The following DTD1 variants were observed in gnomAD, a reference collection of about 807,000 sequenced individuals.
DTD1 encodes D-aminoacyl-tRNA deacylase 1.
A neutral mutation model predicts 25.6 loss-of-function variants in DTD1; 13 were observed. That is an observed-to-expected ratio of 0.51 (90% CI 0.33 to 0.81). DTD1 has a LOEUF of 0.81. DTD1 is among the 30% of genes least tolerant of loss of function. The pLI is 0.02. For missense variants in DTD1, 193 were observed against 266.4 expected (o/e 0.72, Z 1.92); for synonymous variants, 110 against 103.6 (o/e 1.06, Z -0.37).
intron 1 of DTD1, chr20:18,588,815 TC>T (rs774594965): frequency 3.0e-6 from 3 of 985,390 alleles, no homozygotes; most frequent in Non-Finnish European, 3.6e-6. Context: ...CTCAGCACTT[TC>T]GTCTCGGTTG....
chr20:18,710,871 G>T (rs1002556048), intron 4 of DTD1, among the ~76,000 whole-genome samples: 1 of 152,126 alleles, frequency 6.6e-6, no homozygotes, highest in Non-Finnish European at 1.5e-5. Flanking sequence ...TCATGGGCCC[G>T]TTTTCCCTGT....
At chr20:18,662,483 G>T (rs767207436) in intron 4 of DTD1, among the ~76,000 whole-genome samples, 2 of 152,172 alleles carry the variant, frequency 1.3e-5, no homozygotes, top group Non-Finnish European at 2.9e-5. Flanking sequence ...ATCAGAACCA[G>T]ACCTAACCTG....
intron 4 of DTD1, among the ~76,000 whole-genome samples, chr20:18,723,423 C>A (rs939515193): frequency 6.6e-6 from 1 of 152,214 alleles, no homozygotes. Flanking sequence ...ATTTCAGGAA[C>A]CTTAGCCAGT....
At chr20:18,622,242 C>T (rs1374843222) in intron 3 of DTD1, among the ~76,000 whole-genome samples, 6 of 151,998 alleles carry the variant, frequency 3.9e-5, no homozygotes, top group South Asian at 4.2e-4. Flanking sequence ...TTGCCCCCGA[C>T]CCCCTGAAAG....
At chr20:18,738,083 A>G (rs1375285593) in intron 4 of DTD1, among the ~76,000 whole-genome samples, 1 of 152,242 alleles carries the variant, frequency 6.6e-6, no homozygotes, top group African/African-American at 2.4e-5. Context: ...AGTCAGCCTC[A>G]GGAAGGCAGG....
At chr20:18,668,867 C>T (rs2060941652) in intron 4 of DTD1, among the ~76,000 whole-genome samples, 1 of 152,228 alleles carries the variant, frequency 6.6e-6, no homozygotes, top group Non-Finnish European at 1.5e-5. Context: ...TTCTTTTCAG[C>T]TTTAATGCTA....
At chr20:18,756,031 G>A (rs1027002957) in intron 5 of DTD1, among the ~76,000 whole-genome samples, 15 of 151,158 alleles carry the variant, frequency 9.9e-5, no homozygotes, top group African/African-American at 3.7e-4. Context: ...GTGATGATGA[G>A]CATTTTTTCA....
At chr20:18,631,668 C>A in intron 4 of DTD1, 1 of 985,408 alleles carries the variant, frequency 1.0e-6, no homozygotes, top group Non-Finnish European at 1.2e-6. Context: ...CCACTTTTGC[C>A]CCTGGAAATG....
At chr20:18,666,859 A>G (rs16979457) in intron 4 of DTD1, among the ~76,000 whole-genome samples, 1,750 of 152,358 alleles carry the variant, frequency 0.011, 30 homozygotes, top group African/African-American at 0.039. Flanking sequence ...GCCAAAAAGC[A>G]CATTAGTTTC....
chr20:18,632,386 C>T (rs577243160), intron 4 of DTD1: 191 of 985,468 alleles, frequency 1.9e-4, no homozygotes, highest in Non-Finnish European at 2.3e-4. Flanking sequence ...CCTAGCTCTC[C>T]AGTAGGTGGC....
chr20:18,666,214 T>A (rs1468571620), intron 4 of DTD1, among the ~76,000 whole-genome samples: 1 of 152,246 alleles, frequency 6.6e-6, no homozygotes, highest in East Asian at 1.9e-4. Flanking sequence ...ACTATGGTTC[T>A]GGGTTTTTGG....
intron 4 of DTD1, among the ~76,000 whole-genome samples, chr20:18,739,400 G>A (rs1017086741): frequency 6.6e-6 from 1 of 152,158 alleles, no homozygotes; most frequent in African/African-American, 2.4e-5. Context: ...CACTGTGAAA[G>A]GTGCAGGCTG....
At chr20:18,759,135 C>T (rs200694711) in intron 5 of DTD1, among the ~76,000 whole-genome samples, 1 of 152,160 alleles carries the variant, frequency 6.6e-6, no homozygotes, top group Non-Finnish European at 1.5e-5. Context: ...TGTGTCTCTG[C>T]ACGTGAGATG....
intron 3 of DTD1, among the ~76,000 whole-genome samples, chr20:18,607,992 G>A (rs2060668659): frequency 1.3e-5 from 2 of 152,192 alleles, no homozygotes; most frequent in African/African-American, 4.8e-5. Flanking sequence ...GGGATTATAG[G>A]CGTTAGCCAC....
chr20:18,761,061 G>A (rs1170031976), intron 5 of DTD1, among the ~76,000 whole-genome samples: 1 of 152,172 alleles, frequency 6.6e-6, no homozygotes, highest in Non-Finnish European at 1.5e-5. Context: ...CTCCTGGTGT[G>A]CCGTTTGCTA....
At chr20:18,744,636 C>CAAAAAAA (rs796918448) in intron 5 of DTD1, among the ~76,000 whole-genome samples, 3 of 11,328 alleles carry the variant, frequency 2.6e-4, no homozygotes, top group South Asian at 5.8e-3. Context: ...GACTCCATCT[C>CAAAAAAA]AAAAAAAAAA....
In DTD1 at chr20:18,639,473, T is replaced by G. The variant is rs1241236174; in HGVS notation, c.477+11240T>G. Among the ~76,000 whole-genome samples, 3 of 152,158 alleles carry G rather than the reference T, an allele frequency of 2.0e-5. No homozygotes were observed. The East Asian group carries it at 5.8e-4, about 29-fold the overall frequency. On this transcript the variant is annotated intron_variant, in intron 4 of 5. Coordinates refer to ENST00000377452, the MANE Select transcript of DTD1 (RefSeq NM_080820.6). ...CCTGGTGTTCATTGAGCTTGGAAAT[T>G]ATGGAAAGTCATTGTCAGAAGGGAG...
At chr20:18,693,049 C>T (rs1041630079) in intron 4 of DTD1, among the ~76,000 whole-genome samples, 1 of 151,994 alleles carries the variant, frequency 6.6e-6, no homozygotes, top group Non-Finnish European at 1.5e-5. Context: ...TGTCACCACG[C>T]CTGGCTAATT....
chr20:18,674,016 C>G lies in DTD1; in HGVS notation c.477+45783C>G, dbSNP rs143576697. Among the ~76,000 whole-genome samples, 1,193 of 152,110 alleles carry G rather than the reference C, an allele frequency of 7.8e-3. 8 individuals are homozygous for G. Among genetic ancestry groups the G allele is most frequent in the Middle Eastern group, 0.014 (4 of 292 alleles). ...TCTTAAATGACCAAACCAAATTTCT[C>G]AGGATTACCTTTTTTCCTGTAATTA... On this transcript the variant is annotated intron_variant, in intron 4 of 5. Transcript: ENST00000377452.
Sources: gnomAD v4.1 joint callset for allele counts (sites outside exome capture counted in the v4.1 genomes callset) on GRCh38, gnomAD v4.1.1 for gene constraint, MANE v1.5 for transcripts, NCBI Gene and HGNC (gene_info 2026-07-23, HGNC 2026-07-21) for gene names.